UTRN: variants seen among roughly 807,000 people sequenced by gnomAD.
UTRN encodes the protein utrophin.
In UTRN, 283 loss-of-function variants were observed where a neutral mutation model predicts 463.9. The ratio of observed to expected loss-of-function variants is 0.61; its 90% CI spans 0.55 to 0.67. The LOEUF (loss-of-function observed/expected upper bound fraction) is 0.67. Among genes scored for constraint, UTRN ranks in the 30% least tolerant of loss-of-function variants. The probability of loss-of-function intolerance (pLI) is 0.00; values close to 1 mark genes in which losing one functional copy is unlikely to be tolerated. For synonymous variants in UTRN, 1,442 were observed against 1,431.5 expected (o/e 1.01, Z -0.17); for missense variants, 3,922 against 4,084.3 (o/e 0.96, Z 1.08).
intron 52 of UTRN, among the ~76,000 whole-genome samples, chr6:144,683,315 T>C (rs1782401059): frequency 6.6e-6 from 1 of 152,192 alleles, no homozygotes; most frequent in African/African-American, 2.4e-5. Context: ...CATGCCCAAT[T>C]ATTCTCCCTG....
chr6:144,737,669 T>A (rs79554120), intron 54 of UTRN, among the ~76,000 whole-genome samples: 5,157 of 152,308 alleles, frequency 0.034, 279 homozygotes, highest in African/African-American at 0.12. Flanking sequence ...AAATATGATT[T>A]TTAGCTGAAC....
intron 41 of UTRN, among the ~76,000 whole-genome samples, chr6:144,527,568 C>T (rs1796674194): frequency 6.6e-6 from 1 of 152,222 alleles, no homozygotes; most frequent in Admixed American, 6.5e-5. Flanking sequence ...AGGTTTTCCT[C>T]AATTATTCCT....
intron 51 of UTRN, among the ~76,000 whole-genome samples, chr6:144,610,502 T>G (rs577273557): frequency 3.3e-5 from 5 of 152,164 alleles, no homozygotes; most frequent in Non-Finnish European, 7.4e-5. Flanking sequence ...AATGAAGAAC[T>G]AATACCAATT....
At chr6:144,837,973 A>G (rs780659183) in intron 71 of UTRN, among the ~76,000 whole-genome samples, 27 of 152,368 alleles carry the variant, frequency 1.8e-4, no homozygotes, top group Non-Finnish European at 3.2e-4. Flanking sequence ...AGCCACATAC[A>G]TTGAAAACGT....
chr6:144,461,287 C>T lies in UTRN; in HGVS notation c.2798C>T (p.Ser933Phe). The change falls in exon 22 of 75, where the codon TCT becomes TTT. Residue 933 changes from serine (S) to phenylalanine (F), a missense_variant. By Grantham distance (155) the Ser-to-Phe change is radical. Around this residue, in one of 3 missense-constraint regions of UTRN, gnomAD observed 2,349 missense variants for 2,303.8 expected, o/e 1.02. Transcript: ENST00000367545. ...LNDSENKAQV[S>F]LNVLNDLAKV... ...GATTCAGAAAATAAGGCCCAGGTGT[C>T]TCTGAATGTCCTTAATGATCTTGCC... The T allele has an allele frequency of 6.2e-7, 1 of 1,603,630 alleles. No individual in the cohort carries two copies. Among genetic ancestry groups the T allele is most frequent in the Non-Finnish European group, 8.5e-7 (1 of 1,173,716 alleles).
chr6:144,540,828 G>T (rs1178104223), intron 45 of UTRN, among the ~76,000 whole-genome samples: 3 of 152,192 alleles, frequency 2.0e-5, no homozygotes, highest in Admixed American at 6.5e-5. Flanking sequence ...TGGATGGATG[G>T]TTTATTGGAT....
In UTRN at chr6:144,797,881, C is replaced by T; in HGVS notation, c.9136C>T (p.Pro3046Ser). Residue 3046 changes from proline (P) to serine (S), a missense_variant, in exon 64 of 75, where the codon CCA becomes TCA. Around this residue, in one of 3 missense-constraint regions of UTRN, gnomAD observed 1,309 missense variants for 1,452.6 expected, o/e 0.90. Coordinates refer to ENST00000367545, the MANE Select transcript of UTRN (RefSeq NM_007124.3). ...GTTTATAGATTGGATGCATTTGGAA[C>T]CACAGTCCATGGTTTGGCTCCCAGT... ...KEFIDWMHLEPQSMVWLPVLH... is the reference protein window; with the variant it reads ...KEFIDWMHLESQSMVWLPVLH... 1 of 1,614,134 alleles carries T rather than the reference C, an allele frequency of 6.2e-7. No homozygotes were observed.
intron 51 of UTRN, among the ~76,000 whole-genome samples, chr6:144,626,175 A>G (rs1775923138): frequency 6.6e-6 from 1 of 152,230 alleles, no homozygotes; most frequent in Non-Finnish European, 1.5e-5. Context: ...ATCTTGATTT[A>G]CATTTTTAAA....
chr6:144,600,253 A>G (rs1214856100), intron 51 of UTRN, among the ~76,000 whole-genome samples: 3 of 152,212 alleles, frequency 2.0e-5, no homozygotes, highest in Non-Finnish European at 4.4e-5. Context: ...CACAATGCTC[A>G]CTTTAAATAA....
intron 47 of UTRN, among the ~76,000 whole-genome samples, chr6:144,549,755 A>T (rs1798734749): frequency 6.6e-6 from 1 of 152,198 alleles, no homozygotes; most frequent in African/African-American, 2.4e-5. Context: ...CAGAGTGAAT[A>T]AAGTCATGTG....
intron 51 of UTRN, among the ~76,000 whole-genome samples, chr6:144,671,636 G>C (rs889389407): frequency 1.1e-4 from 16 of 151,840 alleles, no homozygotes; most frequent in Non-Finnish European, 2.1e-4. Context: ...TTACAGATTT[G>C]GATGTCCTTT....
intron 69 of UTRN, among the ~76,000 whole-genome samples, chr6:144,834,526 A>G (rs576698829): frequency 1.3e-5 from 2 of 152,312 alleles, no homozygotes; most frequent in African/African-American, 4.8e-5. Context: ...GTCTGATACA[A>G]TTTCAAGTCC....
chr6:144,569,303 G>A (rs1800718657), intron 50 of UTRN, among the ~76,000 whole-genome samples: 1 of 151,882 alleles, frequency 6.6e-6, no homozygotes, highest in Non-Finnish European at 1.5e-5. Context: ...ACTGCTATAA[G>A]TAGGGTTTGA....
chr6:144,833,400 GTTTTA>G (rs1183315394), intron 69 of UTRN, among the ~76,000 whole-genome samples: 4 of 152,102 alleles, frequency 2.6e-5, no homozygotes, highest in Non-Finnish European at 5.9e-5. Context: ...ATGATTTACT[GTTTTA>G]TTTTGATTTC....
intron 30 of UTRN, 118 bp from the exon 31 acceptor site, chr6:144,489,953 A>C (rs1792893578): frequency 7.1e-7 from 1 of 1,417,622 alleles, no homozygotes; most frequent in Admixed American, 2.3e-5. Context: ...GTGGAGGTCA[A>C]CATTATGTAA....
At chr6:144,669,412 A>G (rs1186094570) in intron 51 of UTRN, among the ~76,000 whole-genome samples, 1 of 152,174 alleles carries the variant, frequency 6.6e-6, no homozygotes, top group Non-Finnish European at 1.5e-5. Flanking sequence ...TAAAGTATGT[A>G]CTTTTAAAAA....
At chr6:144,726,178 C>T (rs1787859825) in intron 53 of UTRN, among the ~76,000 whole-genome samples, 1 of 152,178 alleles carries the variant, frequency 6.6e-6, no homozygotes. Flanking sequence ...CAATACCCCC[C>T]AACTTGTCAG....
chr6:144,434,228 AGGCACTC>A (rs1411793239), intron 9 of UTRN, among the ~76,000 whole-genome samples: 1 of 151,892 alleles, frequency 6.6e-6, no homozygotes, highest in African/African-American at 2.4e-5. Context: ...CTGCAATTGC[AGGCACTC>A]GGCAGGCTGA....
chr6:144,286,964 C>T lies in UTRN; in HGVS notation c.-93+1143C>T, dbSNP rs564351736. Reference sequence around the variant, plus strand: ...GTTGGGAGGGTCAGTGCAGCGGTCGCCGCGGCCAGAGCGCGCGGAGCTCGG... The same window carrying T: ...GTTGGGAGGGTCAGTGCAGCGGTCGTCGCGGCCAGAGCGCGCGGAGCTCGG... On this transcript the variant is annotated intron_variant, in intron 1 of 74. Transcript: ENST00000367545. The surrounding 1 kb of genome is among the most constrained non-coding windows in gnomAD (Gnocchi z 4.4). Among the ~76,000 whole-genome samples, 135 of 152,308 alleles carry T rather than the reference C, an allele frequency of 8.9e-4. No individual in the cohort carries two copies. Among genetic ancestry groups the T allele is most frequent in the African/African-American group, 3.0e-3 (126 of 41,578 alleles).
Sources: allele counts gnomAD v4.1 joint callset (sites outside exome capture counted in the v4.1 genomes callset), GRCh38; gene constraint gnomAD v4.1.1; regional missense constraint gnomAD v4.1.1; non-coding constraint Gnocchi (gnomAD v3.1); transcripts MANE v1.5; gene names NCBI Gene and HGNC (gene_info 2026-07-23, HGNC 2026-07-21).